YES1: variants seen among roughly 807,000 people sequenced by gnomAD.
YES1 encodes the protein YES proto-oncogene 1, Src family tyrosine kinase.
In YES1, 39 loss-of-function variants were observed where a neutral mutation model predicts 70.4. The ratio of observed to expected loss-of-function variants is 0.55; its 90% CI spans 0.43 to 0.72. The LOEUF (loss-of-function observed/expected upper bound fraction) is 0.72, where lower values mean the gene tolerates loss of function less well. Among genes scored for constraint, YES1 ranks in the 30% least tolerant of loss-of-function variants. The pLI is 0.00. For missense variants in YES1, 495 were observed against 644.8 expected (o/e 0.77, Z 2.52); for synonymous variants, 198 against 218.6 (o/e 0.91, Z 0.83).
intron 1 of YES1, among the ~76,000 whole-genome samples, chr18:776,241 T>C (rs1007350899): frequency 5.3e-5 from 8 of 151,792 alleles, no homozygotes; most frequent in African/African-American, 1.9e-4. Context: ...TCGCCCAGGC[T>C]GGAGTGCAGT....
chr18:804,917 A>AAAAAAAAAAAAAC (rs1439346174), intron 1 of YES1, among the ~76,000 whole-genome samples: 2 of 151,386 alleles, frequency 1.3e-5, no homozygotes, highest in African/African-American at 2.4e-5. Context: ...CTGACTCAAA[A>AAAAAAAAAAAAAC]AAAAAAAACA....
intron 11 of YES1, among the ~76,000 whole-genome samples, chr18:732,089 CAAG>C (rs2080097115): frequency 6.8e-6 from 1 of 146,156 alleles, no homozygotes; most frequent in Non-Finnish European, 1.5e-5. Context: ...AGAAATAAAA[CAAG>C]AAAAGAATCT....
chr18:745,115 G>C (rs779266981), intron 6 of YES1, among the ~76,000 whole-genome samples: 3 of 152,030 alleles, frequency 2.0e-5, no homozygotes, highest in Non-Finnish European at 4.4e-5. Flanking sequence ...CCCTCTCCTA[G>C]TATTAATCAT....
At chr18:811,764 G>A (rs113473174) in intron 1 of YES1, among the ~76,000 whole-genome samples, 2,202 of 152,272 alleles carry the variant, frequency 0.014, 62 homozygotes, top group African/African-American at 0.05. Context: ...TTCGGCCGTA[G>A]GGGCAAAAAT....
intron 6 of YES1, among the ~76,000 whole-genome samples, 181 bp downstream of exon 6, chr18:745,527 A>G (rs1212072450): frequency 6.6e-6 from 1 of 152,242 alleles, no homozygotes; most frequent in East Asian, 1.9e-4. Context: ...ACATTATCTG[A>G]GTAGCACAAT....
intron 11 of YES1, among the ~76,000 whole-genome samples, chr18:731,223 T>A (rs1213425539): frequency 6.6e-6 from 1 of 152,062 alleles, no homozygotes; most frequent in Non-Finnish European, 1.5e-5. Context: ...AAAGACTGGC[T>A]AAGGTAGAGT....
chr18:775,460 T>G (rs922970606), intron 1 of YES1, among the ~76,000 whole-genome samples: 2 of 152,198 alleles, frequency 1.3e-5, no homozygotes, highest in Admixed American at 1.3e-4. Flanking sequence ...CCTTGACTTC[T>G]AACATTACAG....
intron 1 of YES1, among the ~76,000 whole-genome samples, chr18:789,816 T>C (rs186992016): frequency 2.6e-5 from 4 of 152,076 alleles, no homozygotes; most frequent in South Asian, 2.1e-4. Flanking sequence ...TCCCAGCACT[T>C]TGGGAGGCTG....
intron 1 of YES1, among the ~76,000 whole-genome samples, chr18:808,582 C>T (rs1907216677): frequency 6.6e-6 from 1 of 152,154 alleles, no homozygotes; most frequent in Non-Finnish European, 1.5e-5. Context: ...GGGTTCTAAA[C>T]AATGGAAGAT....
intron 1 of YES1, among the ~76,000 whole-genome samples, chr18:777,265 GT>G (rs1182223013): frequency 1.3e-5 from 2 of 152,078 alleles, no homozygotes; most frequent in African/African-American, 4.8e-5. Context: ...AGCACTAATT[GT>G]TTTATATATG....
chr18:811,682 T>C (rs1907389527), intron 1 of YES1, among the ~76,000 whole-genome samples: 1 of 152,090 alleles, frequency 6.6e-6, no homozygotes, highest in Non-Finnish European at 1.5e-5. Flanking sequence ...CCCGCACAGC[T>C]GCTACCGGCG....
At chr18:769,720 T>C (rs1159241647) in intron 1 of YES1, among the ~76,000 whole-genome samples, 1 of 152,232 alleles carries the variant, frequency 6.6e-6, no homozygotes, top group Non-Finnish European at 1.5e-5. Flanking sequence ...ATTTTACTAA[T>C]TGATTATTGA....
intron 10 of YES1, among the ~76,000 whole-genome samples, chr18:733,221 A>G (rs1439630962): frequency 1.3e-5 from 2 of 152,218 alleles, no homozygotes; most frequent in African/African-American, 2.4e-5. Flanking sequence ...AATTTAAGAA[A>G]ATAGAGGTTG....
At chr18:768,429 G>A (rs1220811449) in intron 1 of YES1, among the ~76,000 whole-genome samples, 1 of 152,058 alleles carries the variant, frequency 6.6e-6, no homozygotes, top group African/African-American at 2.4e-5. Flanking sequence ...TTATTTATTT[G>A]GGCATTTACA....
intron 3 of YES1, among the ~76,000 whole-genome samples, chr18:751,214 A>G (rs1262365262): frequency 6.6e-6 from 1 of 152,186 alleles, no homozygotes; most frequent in Non-Finnish European, 1.5e-5. Context: ...TACTTTCTAC[A>G]ACGAGCATCA....
chr18:733,138 G>A (rs530822137), intron 10 of YES1, among the ~76,000 whole-genome samples, 173 bp from the exon 11 acceptor site: 1 of 152,242 alleles, frequency 6.6e-6, no homozygotes, highest in East Asian at 1.9e-4. Flanking sequence ...AATTCATATT[G>A]AAATAAATCA....
rs779141765 is a variant in YES1, at chr18:746,043, A to C, written c.479T>G (p.Phe160Cys). Reference protein sequence around the residue: ...ADSIQAEEWYFGKMGRKDAER... With the variant: ...ADSIQAEEWYCGKMGRKDAER... ...AGCATCTTTTCTCCCCATTTTGCCA[A>C]AATACCATCTGGAAAAAAATTAAGT... Residue 160 changes from phenylalanine (F) to cysteine (C), a missense_variant, in exon 5 of 12, where the codon TTT becomes TGT. Phe to Cys is a radical substitution (Grantham distance 205). Coordinates refer to ENST00000314574, the MANE Select transcript of YES1 (RefSeq NM_005433.4). 2.5e-6 allele frequency: 4 copies of C among 1,610,476 alleles called. No homozygotes were observed. The highest frequency in any genetic ancestry group is 3.4e-6 in the Non-Finnish European group (4 of 1,178,936).
At chr18:788,630 G>C (rs1258385447) in intron 1 of YES1, among the ~76,000 whole-genome samples, 1 of 152,210 alleles carries the variant, frequency 6.6e-6, no homozygotes, top group African/African-American at 2.4e-5. Context: ...TCTTAAAACA[G>C]TATTAGGGAT....
intron 10 of YES1, among the ~76,000 whole-genome samples, chr18:733,376 C>A (rs190898963): frequency 1.8e-3 from 267 of 152,280 alleles, no homozygotes; most frequent in African/African-American, 6.2e-3. Context: ...CTTTTTATAT[C>A]ATTCTGGAAA....
Sources: allele counts gnomAD v4.1 joint callset (sites outside exome capture counted in the v4.1 genomes callset), GRCh38; gene constraint gnomAD v4.1.1; transcripts MANE v1.5; gene names NCBI Gene and HGNC (gene_info 2026-07-23, HGNC 2026-07-21).